The following LMNB1 variants were observed in gnomAD, a reference collection of about 807,000 sequenced individuals.
The protein encoded by LMNB1 is lamin-B1.
A neutral mutation model predicts 67.1 loss-of-function variants in LMNB1; 23 were observed. The ratio of observed to expected loss-of-function variants is 0.34; its 90% CI spans 0.25 to 0.49. The LOEUF is 0.49. Among genes scored for constraint, LMNB1 ranks in the 20% least tolerant of loss-of-function variants. The pLI, the probability that LMNB1 is intolerant of heterozygous loss-of-function variation, is 0.99. For synonymous variants in LMNB1, 281 were observed against 282.9 expected, an observed-to-expected ratio of 0.99 and a Z score of 0.07; for missense variants, 634 against 746.5, an observed-to-expected ratio of 0.85 and a Z score of 1.76.
In LMNB1 at chr5:126,821,003, G is replaced by A. The variant is rs1175727646; in HGVS notation, c.1254G>A (p.Arg418=). 6.2e-7 allele frequency: 1 copy of A among 1,613,944 alleles called. No homozygotes were observed. The highest frequency in any genetic ancestry group is 1.7e-5 in the Admixed American group (1 of 60,004). Residue 418 remains arginine (R), a synonymous_variant, in exon 7 of 11, where the codon AGG becomes AGA. Coordinates refer to ENST00000261366, the MANE Select transcript of LMNB1 (RefSeq NM_005573.4). ...GTACAACTAGAGGAAAGCGGAAGAG[G>A]GTTGATGTGGAAGAATCAGAGGCGA... ...SVRTTRGKRK[R]VDVEESEASS...
At chr5:126,783,178 C>T (rs1236147416) in intron 1 of LMNB1, among the ~76,000 whole-genome samples, 6 of 151,848 alleles carry the variant, frequency 4.0e-5, no homozygotes, top group Admixed American at 2.6e-4. Flanking sequence ...CCAGCTTGGG[C>T]GACAGAGCGA....
At chr5:126,781,822 G>A (rs1750641288) in intron 1 of LMNB1, among the ~76,000 whole-genome samples, 1 of 152,188 alleles carries the variant, frequency 6.6e-6, no homozygotes, top group South Asian at 2.1e-4. Flanking sequence ...AAACAGCTTT[G>A]AGAGAATTAT....
chr5:126,818,989 G>A lies in LMNB1; in HGVS notation c.1007G>A (p.Arg336His), dbSNP rs897273962. ...CTTGCTAAAGAAAAAGACAACTCTCGTCGCATGCTGACAGACAAAGAGAGA... is the reference window on the plus strand; with the variant it reads ...CTTGCTAAAGAAAAAGACAACTCTCATCGCATGCTGACAGACAAAGAGAGA... ...DLLAKEKDNS[R>H]RMLTDKEREM... Residue 336 changes from arginine to histidine, a missense_variant, in exon 6 of 11, where the codon CGT (arginine) becomes CAT (histidine). Arg to His is a conservative substitution (Grantham distance 29). Transcript: ENST00000261366. 6 of 1,614,014 alleles carry A rather than the reference G, an allele frequency of 3.7e-6. No homozygotes were observed. The highest frequency in any genetic ancestry group is 2.2e-5 in the East Asian group (1 of 44,884).
Position 126,819,149 on chromosome 5 carries a change from A to G in LMNB1, c.1160+7A>G. On this transcript the variant is annotated splice_region_variant and intron_variant, in intron 6 of 10. Transcript: ENST00000261366. ...TAGAAGGCGAAGAAGAGAGGTAAGG[A>G]ACTTAAGGGTCACCCTACCTTATGG... is the stretch of plus-strand genomic sequence containing the variant. 1 of 1,602,494 alleles carries G rather than the reference A, an allele frequency of 6.2e-7. No individual in the cohort carries two copies. The highest frequency in any genetic ancestry group is 8.5e-7 in the Non-Finnish European group (1 of 1,169,978).
chr5:126,830,076 C>T (rs928448247), intron 9 of LMNB1, among the ~76,000 whole-genome samples: 3 of 152,168 alleles, frequency 2.0e-5, no homozygotes, highest in African/African-American at 7.2e-5. Flanking sequence ...AAAATATAAA[C>T]AATCATCTTT....
chr5:126,796,404 G>A (rs1751094172), intron 1 of LMNB1, among the ~76,000 whole-genome samples: 1 of 152,132 alleles, frequency 6.6e-6, no homozygotes, highest in Non-Finnish European at 1.5e-5. Flanking sequence ...CAGAGGCCAA[G>A]CAAAGTTCAG....
chr5:126,792,567 ATTTTTTTTTTTT>A (rs752371260), intron 1 of LMNB1, among the ~76,000 whole-genome samples: 6 of 99,154 alleles, frequency 6.1e-5, no homozygotes, highest in African/African-American at 2.1e-4. Flanking sequence ...AGCACTAGGG[ATTTTTTTTTTTT>A]TTTTTTTTTT....
rs1434512871 is a variant in LMNB1 at position 126,836,462 on chromosome 5, A to T, written c.*198A>T. The stretch of plus-strand genomic sequence containing the variant: ...TCATGTCCATACACTTTGTTGCAAG[A>T]TGTGAATTATTGACACTGAACTTAA... On this transcript the variant is annotated 3_prime_UTR_variant, in exon 11 of 11. Transcript: ENST00000261366. 8.0e-6 allele frequency: 4 copies of T among 498,290 alleles called. No individual in the cohort carries two copies. The highest frequency in any genetic ancestry group is 1.4e-5 in the Non-Finnish European group (4 of 281,428). The allele number at this position is 498,290 out of a possible 1,614,324, so 30.9% of individuals were successfully genotyped here.
intron 1 of LMNB1, among the ~76,000 whole-genome samples, chr5:126,792,129 A>ATGGATT (rs1308097760): frequency 7.2e-6 from 1 of 139,016 alleles, no homozygotes; most frequent in Non-Finnish European, 1.5e-5. Flanking sequence ...TCTAAATTTG[A>ATGGATT]TGGATTTGGT....
At chr5:126,819,241 T>A (rs993351656) in intron 6 of LMNB1, 99 bp downstream of exon 6, 2 of 777,466 alleles carry the variant, frequency 2.6e-6, no homozygotes, top group Non-Finnish European at 4.1e-6. Context: ...AGAACTTTAT[T>A]TTCTTGGTCA....
intron 5 of LMNB1, among the ~76,000 whole-genome samples, chr5:126,814,234 C>T (rs561008943): frequency 1.3e-5 from 2 of 152,184 alleles, no homozygotes; most frequent in Non-Finnish European, 2.9e-5. Context: ...CAAAAATGGG[C>T]CTCTCTGTTC....
Position 126,832,741 on chromosome 5 carries a change from A to AGAG in LMNB1, c.1671_1673dup (p.Glu559dup), listed in dbSNP as rs529151539. ...TCTTTAAAACAACCATACCTGAAGA[A>AGAG]GAGGAGGAGGAGGAAGAAGCAGCTG... On this transcript the variant is annotated inframe_insertion, in exon 10 of 11. Coordinates refer to ENST00000261366, the MANE Select transcript of LMNB1 (RefSeq NM_005573.4). 758 of 1,612,830 alleles carry AGAG rather than the reference A, an allele frequency of 4.7e-4. No individual in the cohort carries two copies. The highest frequency in any genetic ancestry group is 6.1e-4 in the Non-Finnish European group (715 of 1,179,244).
intron 10 of LMNB1, among the ~76,000 whole-genome samples, chr5:126,834,299 A>G (rs1478852682): frequency 2.6e-5 from 4 of 151,644 alleles, no homozygotes; most frequent in South Asian, 4.1e-4. Flanking sequence ...TCCACCTCCC[A>G]GGTTCAAGAG....
intron 10 of LMNB1, among the ~76,000 whole-genome samples, chr5:126,836,008 T>C (rs1752239546): frequency 6.6e-6 from 1 of 151,922 alleles, no homozygotes; most frequent in African/African-American, 2.4e-5. Flanking sequence ...ATTGCACCAC[T>C]GCACTCCAGC....
rs369077478 is a variant in LMNB1, at chr5:126,836,571, T to G, written c.*307T>G. ...TTTTTTCTTTTTTTTTAAGTTCTTA[T>G]GAGGAGGGGAGGGTAAATAAACCAC... On this transcript the variant is annotated 3_prime_UTR_variant, in exon 11 of 11. Transcript: ENST00000261366. The G allele has an allele frequency of 5.7e-6, 2 of 352,962 alleles. No homozygotes were observed. Among genetic ancestry groups the G allele is most frequent in the Non-Finnish European group, 1.0e-5 (2 of 199,952 alleles). The allele number at this position is 352,962 out of a possible 1,614,324, so 21.9% of individuals were successfully genotyped here. A position where few individuals can be genotyped will look rare whatever the true frequency, so the allele number is the denominator to read the frequency against.
At chr5:126,782,174 T>C (rs1750649735) in intron 1 of LMNB1, among the ~76,000 whole-genome samples, 1 of 152,250 alleles carries the variant, frequency 6.6e-6, no homozygotes, top group South Asian at 2.1e-4. Context: ...GTTAAGTGTT[T>C]ACATCAGTCT....
At chr5:126,778,305 A>G (rs1021053358) in intron 1 of LMNB1, among the ~76,000 whole-genome samples, 5 of 152,188 alleles carry the variant, frequency 3.3e-5, no homozygotes, top group African/African-American at 1.2e-4. Context: ...GCGGATTTGC[A>G]GTGCCGGGAT....
chr5:126,815,704 T>A (rs1015877197), intron 5 of LMNB1, among the ~76,000 whole-genome samples: 2 of 152,216 alleles, frequency 1.3e-5, no homozygotes, highest in African/African-American at 4.8e-5. Context: ...ACAGCTTGCT[T>A]ATAGCCTCAT....
intron 1 of LMNB1, among the ~76,000 whole-genome samples, chr5:126,801,607 T>A (rs1751289013): frequency 6.6e-6 from 1 of 152,224 alleles, no homozygotes; most frequent in East Asian, 1.9e-4. Flanking sequence ...TTTGAGCTAT[T>A]TGCATGTATT....
Sources: gnomAD v4.1 joint callset for allele counts (sites outside exome capture counted in the v4.1 genomes callset) on GRCh38, gnomAD v4.1.1 for gene constraint, MANE v1.5 for transcripts, NCBI Gene and HGNC (gene_info 2026-07-23, HGNC 2026-07-21) for gene names.